The following ROR2 variants were observed in gnomAD, a reference collection of about 807,000 sequenced individuals.
ROR2 encodes tyrosine-protein kinase transmembrane receptor ROR2.
A neutral mutation model predicts 74.9 loss-of-function variants in ROR2; 33 were observed. That is an observed-to-expected ratio of 0.44 (90% confidence interval 0.33 to 0.59). ROR2 has a LOEUF of 0.59. Among genes scored for constraint, ROR2 ranks in the 20% least tolerant of loss-of-function variants. The probability of loss-of-function intolerance (pLI) is 0.02; values close to 1 mark genes in which losing one functional copy is unlikely to be tolerated. For missense variants in ROR2, 1,216 were observed against 1,313.8 expected (o/e 0.93, Z 1.15); for synonymous variants, 586 against 558.7 (o/e 1.05, Z -0.69).
chr9:91,784,914 G>A (rs561055961), intron 1 of ROR2, among the ~76,000 whole-genome samples: 2 of 152,246 alleles, frequency 1.3e-5, no homozygotes, highest in East Asian at 3.9e-4. Flanking sequence ...GATTCTATCT[G>A]TGTGCTCACT....
At position 91,757,263 on chromosome 9, in the gene ROR2, C is replaced by G. The variant is rs754676031; in HGVS notation, c.463+9G>C. ...CTGCTAACCCACACAATTTCACTGT[C>G]CAACTCACCCAGCCGCACAAACAGG... On this transcript the variant is annotated intron_variant, in intron 3 of 8. Transcript: ENST00000375708. 2.5e-6 allele frequency: 4 copies of G among 1,613,884 alleles called. No homozygotes were observed. The highest frequency in any genetic ancestry group is 3.4e-6 in the Non-Finnish European group (4 of 1,179,956).
intron 1 of ROR2, among the ~76,000 whole-genome samples, chr9:91,854,213 T>C (rs1829202820): frequency 6.6e-6 from 1 of 152,176 alleles, no homozygotes; most frequent in Non-Finnish European, 1.5e-5. Flanking sequence ...GGATTGCTGA[T>C]AGCAGGGGGA....
At chr9:91,914,782 C>T (rs1326774032) in intron 1 of ROR2, among the ~76,000 whole-genome samples, 1 of 129,058 alleles carries the variant, frequency 7.7e-6, no homozygotes, top group Admixed American at 7.7e-5. Context: ...CTAGGGGTCA[C>T]CTGGCCCCTT....
At chr9:91,866,119 G>A (rs4744108) in intron 1 of ROR2, among the ~76,000 whole-genome samples, 40,641 of 151,798 alleles carry the variant, frequency 0.27, 5,843 homozygotes, top group Admixed American at 0.43. Flanking sequence ...TTTGGGTTTT[G>A]TTTTTTTGTT....
At chr9:91,818,673 A>G (rs1413300462) in intron 1 of ROR2, among the ~76,000 whole-genome samples, 4 of 152,240 alleles carry the variant, frequency 2.6e-5, no homozygotes, top group African/African-American at 9.6e-5. Flanking sequence ...CTGGCATAGT[A>G]AGCCTAACAC....
intron 1 of ROR2, among the ~76,000 whole-genome samples, chr9:91,881,956 C>T (rs1205787129): frequency 1.3e-5 from 2 of 152,182 alleles, no homozygotes; most frequent in Admixed American, 6.5e-5. Context: ...ATGTGTCGGG[C>T]ATCTATCTAG....
intron 1 of ROR2, among the ~76,000 whole-genome samples, chr9:91,930,980 T>A (rs1026880564): frequency 2.6e-5 from 4 of 152,210 alleles, no homozygotes; most frequent in Non-Finnish European, 4.4e-5. Context: ...TTCACTTTTT[T>A]ACCTTCTAAT....
At chr9:91,745,262 A>C (rs1825373993) in intron 4 of ROR2, among the ~76,000 whole-genome samples, 1 of 151,504 alleles carries the variant, frequency 6.6e-6, no homozygotes, top group African/African-American at 2.4e-5. Flanking sequence ...AGTAGCTGGG[A>C]TCACAGGCAT....
intron 1 of ROR2, among the ~76,000 whole-genome samples, chr9:91,810,051 C>T (rs1223052045): frequency 6.6e-6 from 1 of 152,266 alleles, no homozygotes; most frequent in African/African-American, 2.4e-5. Flanking sequence ...ACATGACCCC[C>T]AGTCCCGCCC....
intron 1 of ROR2, among the ~76,000 whole-genome samples, chr9:91,790,351 A>G (rs545118490): frequency 1.1e-4 from 17 of 152,090 alleles, no homozygotes; most frequent in Non-Finnish European, 2.5e-4. Context: ...AAAAAAAAAA[A>G]ATACAAAAAT....
At chr9:91,800,131 C>T (rs575034151) in intron 1 of ROR2, among the ~76,000 whole-genome samples, 29 of 152,300 alleles carry the variant, frequency 1.9e-4, no homozygotes, top group African/African-American at 7.0e-4. Context: ...CACCTGAGGT[C>T]AGGAGTTCGA....
chr9:91,856,852 C>G (rs1187357388), intron 1 of ROR2, among the ~76,000 whole-genome samples: 2 of 152,242 alleles, frequency 1.3e-5, no homozygotes, highest in Non-Finnish European at 2.9e-5. Flanking sequence ...CCTCACTGCT[C>G]AAGCTCATAG....
At chr9:91,741,464 T>C (rs1312777113) in intron 4 of ROR2, among the ~76,000 whole-genome samples, 2 of 150,556 alleles carry the variant, frequency 1.3e-5, no homozygotes, top group Non-Finnish European at 3.0e-5. Context: ...GGCAAGATGG[T>C]GGGGATCCAC....
At chr9:91,948,405 G>A (rs1047947951) in intron 1 of ROR2, among the ~76,000 whole-genome samples, 1 of 152,232 alleles carries the variant, frequency 6.6e-6, no homozygotes, top group African/African-American at 2.4e-5. Context: ...ATCGACAGAG[G>A]TCTTGAGTGA....
intron 2 of ROR2, among the ~76,000 whole-genome samples, chr9:91,775,042 C>T (rs1182724998): frequency 6.6e-6 from 1 of 152,174 alleles, no homozygotes; most frequent in Admixed American, 6.5e-5. Context: ...GCCTGCAAGC[C>T]AGGAGGAGGG....
chr9:91,750,090 T>TG (rs1195389799), intron 4 of ROR2, among the ~76,000 whole-genome samples: 1 of 152,096 alleles, frequency 6.6e-6, no homozygotes, highest in Non-Finnish European at 1.5e-5. Context: ...TTAGTAGAGA[T>TG]GGGGTTTCAC....
intron 1 of ROR2, among the ~76,000 whole-genome samples, chr9:91,921,510 T>A (rs1831261978): frequency 6.6e-6 from 1 of 152,206 alleles, no homozygotes; most frequent in South Asian, 2.1e-4. Flanking sequence ...GCCGCAGGCC[T>A]CTTTGTGTCA....
intron 4 of ROR2, among the ~76,000 whole-genome samples, chr9:91,743,194 A>C (rs1825304388): frequency 6.6e-6 from 1 of 152,240 alleles, no homozygotes; most frequent in South Asian, 2.1e-4. Context: ...ACTTGAAGAC[A>C]GATCAACAGG....
At chr9:91,767,088 T>C (rs1164894234) in intron 2 of ROR2, among the ~76,000 whole-genome samples, 1 of 152,022 alleles carries the variant, frequency 6.6e-6, no homozygotes, top group African/African-American at 2.4e-5. Context: ...CGGTTTTTTT[T>C]TTTTTGAGGC....
Sources: gnomAD v4.1 joint callset for allele counts (sites outside exome capture counted in the v4.1 genomes callset) on GRCh38, gnomAD v4.1.1 for gene constraint, MANE v1.5 for transcripts, NCBI Gene and HGNC (gene_info 2026-07-23, HGNC 2026-07-21) for gene names.